ZNF469: variants seen among roughly 807,000 people sequenced by gnomAD.
ZNF469 encodes the protein zinc finger protein 469.
In ZNF469, 1 loss-of-function variant was observed where a neutral mutation model predicts 1.0. The observed-to-expected ratio is 1.00, with a 90% CI of 0.35 to 4.73. The LOEUF (loss-of-function observed/expected upper bound fraction) is 4.73. Among genes scored for constraint, ZNF469 ranks in the 30% most tolerant of loss-of-function variants. The pLI, the probability that ZNF469 is intolerant of heterozygous loss-of-function variation, is 0.16. For missense variants in ZNF469, 6,100 were observed against 5,356.3 expected (o/e 1.14, Z -4.33); for synonymous variants, 2,703 against 2,363.4 (o/e 1.14, Z -4.17).
intron 1 of ZNF469, among the ~76,000 whole-genome samples, chr16:88,409,712 C>T (rs1030597196): frequency 1.3e-5 from 2 of 152,186 alleles, no homozygotes; most frequent in Admixed American, 6.5e-5. Context: ...TGCAGCTCTG[C>T]GTGAGGAAAA....
In ZNF469 at chr16:88,434,063, C is replaced by G. The variant is rs1417773276; in HGVS notation, c.6593C>G (p.Ser2198Cys). Residue 2198 changes from serine to cysteine, a missense_variant, in exon 3 of 3, where the codon TCT becomes TGT. Physicochemically the swap from Ser to Cys is moderately radical, Grantham distance 112. Transcript: ENST00000565624. ...GAGGATTCCCCGGTGGCTCCCCCGT[C>G]TTTGACAACAAGCCCCTGCGATCCC... The part of the protein sequence containing the change: ...GAEDSPVAPP[S>C]LTTSPCDPKE... 14 of 1,550,376 alleles carry G rather than the reference C, an allele frequency of 9.0e-6. No homozygotes were observed. The highest frequency in any genetic ancestry group is 1.7e-6 in the Non-Finnish European group (2 of 1,146,924).
the ZNF469 span, among the ~76,000 whole-genome samples, chr16:88,240,301 G>C: frequency 2.0e-4 from 31 of 152,332 alleles, no homozygotes; most frequent in African/African-American, 6.5e-4. Context: ...GTGGGAGGAA[G>C]TCCAGTCATT....
Position 88,437,603 on chromosome 16 carries a change from G to C in ZNF469, c.10133G>C (p.Gly3378Ala), listed in dbSNP as rs1344045924. 2.0e-6 allele frequency: 3 copies of C among 1,537,404 alleles called. No individual in the cohort carries two copies. Among genetic ancestry groups the C allele is most frequent in the Admixed American group, 2.0e-5 (1 of 50,614 alleles). The change falls in exon 3 of 3, where the codon GGG becomes GCG. Residue 3378 changes from glycine (G) to alanine (A), a missense_variant. Coordinates refer to ENST00000565624, the MANE Select transcript of ZNF469 (RefSeq NM_001367624.2). ...PRCPRVYPEHGELLAHLGGAH... is the reference protein window; with the variant it reads ...PRCPRVYPEHAELLAHLGGAH... ...TGCCCCCGGGTCTACCCCGAGCACG[G>C]GGAGCTGCTGGCACACCTGGGCGGG...
chr16:88,171,211 G>A, the ZNF469 span, among the ~76,000 whole-genome samples: 1 of 152,190 alleles, frequency 6.6e-6, no homozygotes, highest in Non-Finnish European at 1.5e-5. Flanking sequence ...TGATGTTTGG[G>A]AATCCCTGAA....
At chr16:88,152,796 C>A in the ZNF469 span, among the ~76,000 whole-genome samples, 3 of 152,174 alleles carry the variant, frequency 2.0e-5, no homozygotes, top group Non-Finnish European at 4.4e-5. This position sits in a 1 kb window ranked among gnomAD's most constrained non-coding sequence, Gnocchi z 4.2. Flanking sequence ...GCCAGGGAGG[C>A]CGCAGCCAGG....
the ZNF469 span, among the ~76,000 whole-genome samples, chr16:88,343,010 G>GGTCCAC: frequency 6.6e-6 from 1 of 152,216 alleles, no homozygotes; most frequent in African/African-American, 2.4e-5. Context: ...AGCTCCACGT[G>GGTCCAC]GTCCACAGGC....
the ZNF469 span, among the ~76,000 whole-genome samples, chr16:88,315,581 C>T: frequency 3.4e-3 from 518 of 152,278 alleles, 2 homozygotes; most frequent in Non-Finnish European, 5.6e-3. Context: ...GGGAGCAGGG[C>T]CCAGGAGCTC....
At chr16:88,262,974 T>G in the ZNF469 span, among the ~76,000 whole-genome samples, 1 of 152,230 alleles carries the variant, frequency 6.6e-6, no homozygotes, top group African/African-American at 2.4e-5. This position sits in a 1 kb window ranked among gnomAD's most constrained non-coding sequence, Gnocchi z 4.3. Flanking sequence ...GAGGAGCGTT[T>G]CATTAGCGAC....
At chr16:88,347,584 A>G in the ZNF469 span, among the ~76,000 whole-genome samples, 1 of 152,178 alleles carries the variant, frequency 6.6e-6, no homozygotes, top group Non-Finnish European at 1.5e-5. Flanking sequence ...CGTTTTAACC[A>G]CACCATCTGT....
the ZNF469 span, among the ~76,000 whole-genome samples, chr16:88,247,762 T>G: frequency 2.6e-5 from 4 of 151,396 alleles, no homozygotes; most frequent in African/African-American, 9.7e-5. Context: ...AGTCAGTGAG[T>G]GAATGAGTCA....
At chr16:88,380,664 C>A (rs1423748568), upstream of ZNF469, among the ~76,000 whole-genome samples, 1 of 144,658 alleles carries the variant, frequency 6.9e-6, no homozygotes, top group Admixed American at 6.9e-5. Context: ...CACAGACACG[C>A]CCTCACACAA....
the ZNF469 span, among the ~76,000 whole-genome samples, chr16:88,129,966 C>G: frequency 1.3e-5 from 2 of 152,258 alleles, no homozygotes; most frequent in Admixed American, 6.5e-5. Context: ...TTACCAGTTT[C>G]AGACTCAGCT....
At chr16:88,363,486 C>T in the ZNF469 span, among the ~76,000 whole-genome samples, 2 of 152,360 alleles carry the variant, frequency 1.3e-5, no homozygotes, top group South Asian at 4.1e-4. Context: ...AGCCAGACTG[C>T]CTGGGGTCTA....
chr16:88,391,907 A>C (rs992049107), intron 1 of ZNF469, among the ~76,000 whole-genome samples: 2 of 152,244 alleles, frequency 1.3e-5, no homozygotes, highest in African/African-American at 4.8e-5. Context: ...TATGATATAC[A>C]ACATAATGTA....
At chr16:88,399,888 C>T (rs1015226447) in intron 1 of ZNF469, among the ~76,000 whole-genome samples, 18 of 152,366 alleles carry the variant, frequency 1.2e-4, no homozygotes, top group Non-Finnish European at 5.9e-5. Context: ...GGGCTCTACC[C>T]AGGGCTGGGG....
chr16:88,430,545 C>T lies in ZNF469; in HGVS notation c.3075C>T (p.Ser1025=), dbSNP rs1267724184. 1 of 1,469,804 alleles carries T rather than the reference C, an allele frequency of 6.8e-7. No homozygotes were observed. Among genetic ancestry groups the T allele is most frequent in the Non-Finnish European group, 8.9e-7 (1 of 1,117,886 alleles). 91.0% of individuals were successfully genotyped at this position (1,469,804 alleles called of 1,614,324 possible). Reference sequence around the variant, plus strand: ...CCCTCCCCGAGGAGACCCGCAGCTCCCGGCGCCGCCGGCTGCCCCCCAGGA... The same window carrying T: ...CCCTCCCCGAGGAGACCCGCAGCTCTCGGCGCCGCCGGCTGCCCCCCAGGA... ...AAALPEETRS[S]RRRRLPPRKD... is the part of the protein sequence containing the mutation. The change falls in exon 3 of 3, where the codon TCC becomes TCT. Residue 1025 remains serine, a synonymous_variant. Transcript: ENST00000565624.
At chr16:88,191,522 A>G in the ZNF469 span, 1 of 152,294 alleles carries the variant, frequency 6.6e-6, no homozygotes, top group Non-Finnish European at 1.5e-5. Context: ...TGGTTCGGCT[A>G]CAGAAGAGAA....
At chr16:88,206,487 T>C in the ZNF469 span, among the ~76,000 whole-genome samples, 1 of 152,296 alleles carries the variant, frequency 6.6e-6, no homozygotes, top group East Asian at 1.9e-4. Context: ...AAAACTTCCA[T>C]GATCGCAATC....
the ZNF469 span, among the ~76,000 whole-genome samples, chr16:88,106,534 G>C: frequency 6.6e-6 from 1 of 152,232 alleles, no homozygotes; most frequent in Admixed American, 6.5e-5. Flanking sequence ...TGTGAACAGA[G>C]AAAGGAGTAG....
Sources: gnomAD v4.1 joint callset for allele counts (sites outside exome capture counted in the v4.1 genomes callset) on GRCh38, gnomAD v4.1.1 for gene constraint, Gnocchi (gnomAD v3.1) non-coding constraint, MANE v1.5 for transcripts, NCBI Gene and HGNC (gene_info 2026-07-23, HGNC 2026-07-21) for gene names.